The following NRXN1 variants were observed in gnomAD, a reference collection of about 807,000 sequenced individuals.
The protein encoded by NRXN1 is neurexin 1.
A neutral mutation model predicts 150.9 loss-of-function variants in NRXN1; 39 were observed. The ratio of observed to expected loss-of-function variants is 0.26; its 90% CI spans 0.20 to 0.34. The LOEUF is 0.34. Among genes scored for constraint, NRXN1 ranks in the 10% least tolerant of loss-of-function variants. The pLI, the probability that NRXN1 is intolerant of heterozygous loss-of-function variation, is 1.00. For synonymous variants in NRXN1, 924 were observed against 757.0 expected (o/e 1.22, Z -3.62); for missense variants, 1,815 against 1,949.9 (o/e 0.93, Z 1.30).
intron 21 of NRXN1, among the ~76,000 whole-genome samples, chr2:49,962,618 GGA>G (rs1676173859): frequency 6.6e-6 from 1 of 152,058 alleles, no homozygotes. Flanking sequence ...ATGCAATGAT[GGA>G]GAGTAACACA....
intron 8 of NRXN1, among the ~76,000 whole-genome samples, chr2:50,583,125 A>G (rs1410012908): frequency 6.6e-6 from 1 of 151,518 alleles, no homozygotes. Context: ...ATCTCAGCTC[A>G]CTGCAGCCTC....
intron 2 of NRXN1, among the ~76,000 whole-genome samples, chr2:50,997,453 TA>T (rs1699477046): frequency 6.9e-6 from 1 of 144,074 alleles, no homozygotes; most frequent in Non-Finnish European, 1.5e-5. Flanking sequence ...ATTTTTTGAT[TA>T]AAATTTTCCA....
intron 17 of NRXN1, among the ~76,000 whole-genome samples, chr2:50,253,917 T>C (rs533648411): frequency 1.3e-5 from 2 of 150,636 alleles, no homozygotes; most frequent in African/African-American, 5.0e-5. Flanking sequence ...GTCAGGATAA[T>C]GCTGGCCCCA....
At chr2:50,534,923 A>G (rs576464028) in intron 10 of NRXN1, among the ~76,000 whole-genome samples, 1 of 152,312 alleles carries the variant, frequency 6.6e-6, no homozygotes, top group African/African-American at 2.4e-5. Context: ...AGAGAAAAAA[A>G]TAATCAGAAT....
At chr2:50,354,998 A>G (rs1435209282) in intron 17 of NRXN1, among the ~76,000 whole-genome samples, 1 of 152,072 alleles carries the variant, frequency 6.6e-6, no homozygotes, top group African/African-American at 2.4e-5. Flanking sequence ...ATAATTTCCA[A>G]ATTCTTTGGT....
At chr2:50,013,369 C>T (rs975441124) in intron 21 of NRXN1, among the ~76,000 whole-genome samples, 6 of 148,128 alleles carry the variant, frequency 4.1e-5, no homozygotes, top group African/African-American at 1.5e-4. Context: ...ATTTTACTGG[C>T]TTCGTAAACT....
intron 2 of NRXN1, among the ~76,000 whole-genome samples, chr2:50,973,109 T>C (rs923010514): frequency 3.3e-5 from 5 of 152,186 alleles, no homozygotes; most frequent in Non-Finnish European, 7.3e-5. Context: ...TATTCAGAGA[T>C]CCTTTGCACA....
intron 21 of NRXN1, among the ~76,000 whole-genome samples, chr2:49,968,710 T>A (rs889412159): frequency 6.6e-6 from 1 of 152,130 alleles, no homozygotes; most frequent in African/African-American, 2.4e-5. Flanking sequence ...TTGAACCACA[T>A]TAAACTCTCC....
At chr2:50,560,200 G>A (rs1178477293) in intron 8 of NRXN1, among the ~76,000 whole-genome samples, 1 of 152,156 alleles carries the variant, frequency 6.6e-6, no homozygotes, top group Non-Finnish European at 1.5e-5. Flanking sequence ...TAGCAAAAAT[G>A]TCAAACACTG....
intron 2 of NRXN1, chr2:51,026,531 G>T: frequency 2.7e-6 from 3 of 1,115,020 alleles, no homozygotes; most frequent in Non-Finnish European, 4.0e-6. Flanking sequence ...ACTGTTTTAA[G>T]CCCCAAGAAC....
intron 5 of NRXN1, among the ~76,000 whole-genome samples, chr2:50,693,326 A>G (rs1285799287): frequency 6.6e-6 from 1 of 152,190 alleles, no homozygotes; most frequent in East Asian, 1.9e-4. Context: ...TGAGGTGCCA[A>G]GATTGGAGAC....
At chr2:50,804,053 G>A (rs1428256689) in intron 5 of NRXN1, among the ~76,000 whole-genome samples, 1 of 152,116 alleles carries the variant, frequency 6.6e-6, no homozygotes, top group African/African-American at 2.4e-5. Context: ...AGAAAATGAA[G>A]ATAAGTAAAT....
chr2:50,600,101 T>C (rs1675998401), intron 8 of NRXN1, among the ~76,000 whole-genome samples: 1 of 152,130 alleles, frequency 6.6e-6, no homozygotes, highest in African/African-American at 2.4e-5. Context: ...AAATGCAGAA[T>C]GTCACTGAAA....
chr2:50,900,055 T>C (rs1007217070), intron 5 of NRXN1, among the ~76,000 whole-genome samples: 1 of 152,148 alleles, frequency 6.6e-6, no homozygotes, highest in African/African-American at 2.4e-5. Flanking sequence ...AACCATAAAA[T>C]AATCAGAGAA....
At chr2:50,830,001 A>G (rs1242406443) in intron 5 of NRXN1, among the ~76,000 whole-genome samples, 2 of 39,764 alleles carry the variant, frequency 5.0e-5, no homozygotes, top group Non-Finnish European at 1.9e-4. Flanking sequence ...GCCTGCTGGA[A>G]AAAAAAAAAA....
At chr2:51,008,386 A>G (rs1349815258) in intron 2 of NRXN1, among the ~76,000 whole-genome samples, 1 of 151,948 alleles carries the variant, frequency 6.6e-6, no homozygotes, top group East Asian at 1.9e-4. Context: ...ACGTGTAGAG[A>G]CAAATAAAGC....
chr2:50,286,702 T>G (rs1342223227), intron 17 of NRXN1, among the ~76,000 whole-genome samples: 1 of 152,046 alleles, frequency 6.6e-6, no homozygotes, highest in East Asian at 1.9e-4. Flanking sequence ...ATTATTGATG[T>G]GAGTACATTA....
intron 2 of NRXN1, among the ~76,000 whole-genome samples, chr2:51,018,599 C>T (rs1055731651): frequency 6.6e-6 from 1 of 152,096 alleles, no homozygotes; most frequent in Non-Finnish European, 1.5e-5. Context: ...CTCATTACGA[C>T]ATTTCAATTA....
intron 21 of NRXN1, among the ~76,000 whole-genome samples, chr2:49,994,348 G>T (rs1682554444): frequency 6.6e-6 from 1 of 152,188 alleles, no homozygotes; most frequent in African/African-American, 2.4e-5. Context: ...TGGTATGTTT[G>T]AAGCAATATG....
Sources: gnomAD v4.1 joint callset for allele counts (sites outside exome capture counted in the v4.1 genomes callset) on GRCh38, gnomAD v4.1.1 for gene constraint, MANE v1.5 for transcripts, NCBI Gene and HGNC (gene_info 2026-07-23, HGNC 2026-07-21) for gene names.